SPATA1: variants seen among roughly 807,000 people sequenced by gnomAD.
The protein encoded by SPATA1 is spermatogenesis associated 1, also known as spermatogenesis-associated protein 1.
Under a neutral mutation model 59.6 loss-of-function variants are expected in SPATA1, and 57 were observed. That is an observed-to-expected ratio of 0.96 (90% CI 0.77 to 1.19). The LOEUF (loss-of-function observed/expected upper bound fraction) is 1.19, where lower values mean the gene tolerates loss of function less well. Ranked by LOEUF, SPATA1 falls within the 50% of genes most tolerant of loss-of-function variation. The pLI is 0.00. For missense variants in SPATA1, 448 were observed against 480.7 expected (o/e 0.93, Z 0.64); for synonymous variants, 147 against 163.9 (o/e 0.90, Z 0.79).
At chr1:84,556,705 C>A, downstream of SPATA1, among the ~76,000 whole-genome samples, 1 of 106,366 alleles carries the variant, frequency 9.4e-6, no homozygotes, top group African/African-American at 4.8e-5. Flanking sequence ...AGCAAGACTC[C>A]GTCTCAAAAA....
At chr1:84,565,635 T>G (rs932661744) in intron 4 of SPATA1, among the ~76,000 whole-genome samples, 4 of 152,152 alleles carry the variant, frequency 2.6e-5, no homozygotes, top group Admixed American at 2.6e-4. Flanking sequence ...TACCACAAGA[T>G]TGTTGGAAGA....
intron 8 of SPATA1, among the ~76,000 whole-genome samples, chr1:84,543,228 G>A (rs1683967918): frequency 1.3e-5 from 2 of 152,072 alleles, no homozygotes; most frequent in South Asian, 4.1e-4. Flanking sequence ...AAACTAATGA[G>A]GTACCGAAGC....
intron 6 of SPATA1, among the ~76,000 whole-genome samples, chr1:84,526,338 A>T (rs902437946): frequency 2.0e-5 from 3 of 152,208 alleles, no homozygotes; most frequent in East Asian, 1.9e-4. Context: ...CTTCTTTTTT[A>T]ATAAAATAGT....
At chr1:84,545,265 A>G (rs1558610082) in intron 9 of SPATA1, among the ~76,000 whole-genome samples, 1 of 149,248 alleles carries the variant, frequency 6.7e-6, no homozygotes, top group African/African-American at 2.4e-5. Flanking sequence ...ATATATATAT[A>G]ATCCTAAAAT....
chr1:84,536,881 CTTT>C (rs34058475), intron 8 of SPATA1, among the ~76,000 whole-genome samples: 15 of 105,750 alleles, frequency 1.4e-4, no homozygotes, highest in Non-Finnish European at 1.6e-4. Context: ...TTTCTTTTTT[CTTT>C]TTTTTTTTTT....
At chr1:84,559,817 G>A (rs1684552533) in intron 4 of SPATA1, among the ~76,000 whole-genome samples, 1 of 152,100 alleles carries the variant, frequency 6.6e-6, no homozygotes. Flanking sequence ...AGGTGCAGTG[G>A]CCCATGCGTG....
At chr1:84,555,896 T>G (rs894174368), downstream of SPATA1, 1 of 152,254 alleles carries the variant, frequency 6.6e-6, no homozygotes, top group Non-Finnish European at 1.5e-5. Context: ...TGTGCTTTTT[T>G]GTATTCTCTG....
At chr1:84,561,327 G>T (rs12405727) in intron 4 of SPATA1, among the ~76,000 whole-genome samples, 3 of 152,188 alleles carry the variant, frequency 2.0e-5, no homozygotes, top group Admixed American at 2.0e-4. Context: ...AGAATTGGAG[G>T]TGAATCCTAA....
intron 8 of SPATA1, among the ~76,000 whole-genome samples, chr1:84,535,811 TTAAG>T (rs1683655391): frequency 6.6e-6 from 1 of 152,196 alleles, no homozygotes; most frequent in Non-Finnish European, 1.5e-5. Flanking sequence ...TTGTTATGAA[TTAAG>T]TGTTTTTTCC....
downstream of SPATA1, among the ~76,000 whole-genome samples, chr1:84,557,708 A>T (rs1684487368): frequency 6.6e-6 from 1 of 151,310 alleles, no homozygotes. Context: ...ATACAAAAAA[A>T]TTAGCCAGGC....
downstream of SPATA1, among the ~76,000 whole-genome samples, chr1:84,566,909 C>T (rs113692451): frequency 0.016 from 2,444 of 152,268 alleles, 63 homozygotes; most frequent in African/African-American, 0.055. Context: ...TGCTTACAGG[C>T]GTGAGCCACC....
In SPATA1 at chr1:84,548,754, T is replaced by C. The variant is rs950649117; in HGVS notation, c.947-32T>C. ...ATACTCAAACGAAGGCCTTTCCTTTTTTTTTTTTTTTTTTTTTTTTTTTTT... is the reference window on the plus strand; with the variant it reads ...ATACTCAAACGAAGGCCTTTCCTTTCTTTTTTTTTTTTTTTTTTTTTTTTT... On this transcript the variant is annotated intron_variant, in intron 10 of 12. Coordinates refer to ENST00000490879, the Ensembl canonical transcript of SPATA1. 3.7e-3 allele frequency: 1,229 copies of C among 330,484 alleles called. 3 individuals are homozygous for C. The highest frequency in any genetic ancestry group is 4.2e-3 in the Non-Finnish European group (1,113 of 264,330). 20.5% of individuals were successfully genotyped at this position (330,484 alleles called of 1,614,324 possible). A position where few individuals can be genotyped will look rare whatever the true frequency, so the allele number is the denominator to read the frequency against.
intron 4 of SPATA1, among the ~76,000 whole-genome samples, chr1:84,560,718 A>C (rs1250308344): frequency 6.6e-6 from 1 of 152,180 alleles, no homozygotes; most frequent in Non-Finnish European, 1.5e-5. Context: ...TGGTAACTTT[A>C]AGTTGAAGCC....
At chr1:84,565,213 A>T (rs777363314) in intron 4 of SPATA1, among the ~76,000 whole-genome samples, 14 of 147,148 alleles carry the variant, frequency 9.5e-5, no homozygotes, top group East Asian at 3.9e-4. Context: ...AATAAAAATT[A>T]AAAAAAAAAA....
chr1:84,520,470 T>G, intron 2 of SPATA1, 115 bp from the exon 3 acceptor site: 1 of 675,908 alleles, frequency 1.5e-6, no homozygotes, highest in Non-Finnish European at 2.3e-6. Context: ...GAGGGATGTA[T>G]GTATTCCATG....
At chr1:84,543,903 A>G (rs952991241) in intron 8 of SPATA1, among the ~76,000 whole-genome samples, 3 of 152,264 alleles carry the variant, frequency 2.0e-5, no homozygotes. Context: ...GAAAATATTT[A>G]AAGTTATCAT....
At chr1:84,524,825 C>T (rs1683154314) in intron 4 of SPATA1, among the ~76,000 whole-genome samples, 1 of 152,118 alleles carries the variant, frequency 6.6e-6, no homozygotes, top group Admixed American at 6.6e-5. Flanking sequence ...TATCACCATC[C>T]TAAATTGAGT....
chr1:84,531,225 C>T (rs544161380), intron 6 of SPATA1, among the ~76,000 whole-genome samples: 1 of 151,994 alleles, frequency 6.6e-6, no homozygotes, highest in Non-Finnish European at 1.5e-5. Context: ...AGCAGTGGCA[C>T]AATCTCGGCT....
At chr1:84,566,324 G>A (rs1158286634), downstream of SPATA1, 2 of 157,366 alleles carry the variant, frequency 1.3e-5, no homozygotes, top group African/African-American at 4.8e-5. Context: ...AAAGAAGCAG[G>A]TATAATGACA....
Sources: allele counts gnomAD v4.1 joint callset (sites outside exome capture counted in the v4.1 genomes callset), GRCh38; gene constraint gnomAD v4.1.1; transcripts MANE v1.5; gene names NCBI Gene and HGNC (gene_info 2026-07-23, HGNC 2026-07-21).